OPA1: variants seen among roughly 807,000 people sequenced by gnomAD.
OPA1 encodes dynamin-like GTPase OPA1, mitochondrial.
A neutral mutation model predicts 152.9 loss-of-function variants in OPA1; 59 were observed. The ratio of observed to expected loss-of-function variants is 0.39; its 90% confidence interval spans 0.31 to 0.48. OPA1 has a LOEUF of 0.48. OPA1 is among the 20% of genes least tolerant of loss of function. OPA1 has a pLI of 0.96. For synonymous variants in OPA1, 400 were observed against 389.9 expected (o/e 1.03, Z -0.31); for missense variants, 1,008 against 1,216.8 (o/e 0.83, Z 2.55).
intron 11 of OPA1, among the ~76,000 whole-genome samples, chr3:193,640,083 T>C (rs912099042): frequency 6.6e-6 from 1 of 152,114 alleles, no homozygotes; most frequent in Non-Finnish European, 1.5e-5. Context: ...TGAGTGGTGA[T>C]AACAAGCAGT....
chr3:193,636,931 A>G (rs1733040569), intron 9 of OPA1, among the ~76,000 whole-genome samples: 1 of 152,130 alleles, frequency 6.6e-6, no homozygotes, highest in Non-Finnish European at 1.5e-5. Context: ...AATAATTTCC[A>G]TCTTATTTAA....
At chr3:193,657,377 TCTGCCCTTTAATATTTCCCTGCCCTTCTA>T in intron 23 of OPA1, 145 bp downstream of exon 23, 7 of 783,548 alleles carry the variant, frequency 8.9e-6, no homozygotes, top group Middle Eastern at 3.5e-4. Flanking sequence ...TGATCTGTAA[TCTGCCCTTTAATATTTCCCTGCCCTTCTA>T]AAATCACCTG....
chr3:193,693,438 G>A (rs1721942065), intron 30 of OPA1, among the ~76,000 whole-genome samples: 1 of 152,126 alleles, frequency 6.6e-6, no homozygotes, highest in African/African-American at 2.4e-5. Context: ...TCAGGAGTTG[G>A]AGACCAGCCT....
intron 1 of OPA1, among the ~76,000 whole-genome samples, chr3:193,608,954 G>A (rs1172792568): frequency 6.6e-6 from 1 of 152,134 alleles, no homozygotes; most frequent in Non-Finnish European, 1.5e-5. Context: ...TTACCATTAT[G>A]TAATGGCCTT....
At chr3:193,691,802 C>T in intron 29 of OPA1, 1 of 350,580 alleles carries the variant, frequency 2.9e-6, no homozygotes, top group African/African-American at 2.1e-5. Flanking sequence ...TTAATACATG[C>T]TTTTTTCCAT....
At chr3:193,627,315 C>T (rs537106839) in intron 7 of OPA1, 5 of 152,148 alleles carry the variant, frequency 3.3e-5, no homozygotes, top group South Asian at 2.1e-4. Flanking sequence ...TATTTAGCTT[C>T]GGTGAGCAAA....
Position 193,614,773 on chromosome 3 carries a change from T to G in OPA1, c.83T>G (p.Leu28Ter), listed in dbSNP as rs867942002. Residue 28 changes from leucine to a stop codon, truncating the protein, a stop_gained, in exon 2 of 31, where the codon TTA (leucine) becomes TGA (stop). Coordinates refer to ENST00000361510, the MANE Select transcript of OPA1 (RefSeq NM_130837.3). LOFTEE classifies it high-confidence loss of function. ...VKHSSGIKGS[L>*]PLQKLHLVSR... ...CACAGCTCTGGAATAAAAGGAAGTT[T>G]ACCACTACAAAAACTACATCTGGTT... 1 of 1,614,172 alleles carries G rather than the reference T, an allele frequency of 6.2e-7. No individual in the cohort carries two copies. The highest frequency in any genetic ancestry group is 8.5e-7 in the Non-Finnish European group (1 of 1,180,000).
At chr3:193,615,411 C>T (rs1309111070) in intron 2 of OPA1, among the ~76,000 whole-genome samples, 1 of 152,162 alleles carries the variant, frequency 6.6e-6, no homozygotes, top group Non-Finnish European at 1.5e-5. Context: ...CTTCCTTCTA[C>T]CCCACAGTAA....
At chr3:193,644,945 CAT>C (rs1403093611) in intron 16 of OPA1, among the ~76,000 whole-genome samples, 3 of 151,610 alleles carry the variant, frequency 2.0e-5, no homozygotes, top group Non-Finnish European at 4.4e-5. Context: ...GAAACTCTAA[CAT>C]ATGTGAAAGG....
At chr3:193,688,347 G>C (rs745597841) in intron 29 of OPA1, among the ~76,000 whole-genome samples, 1 of 148,782 alleles carries the variant, frequency 6.7e-6, no homozygotes, top group Non-Finnish European at 1.5e-5. Context: ...ATTTTCATCA[G>C]AATATGATAG....
At chr3:193,688,243 A>C (rs890772390) in intron 29 of OPA1, among the ~76,000 whole-genome samples, 2 of 151,372 alleles carry the variant, frequency 1.3e-5, no homozygotes, top group African/African-American at 4.9e-5. Flanking sequence ...GACACTGAAG[A>C]CTCTGAGCAT....
In OPA1 at chr3:193,635,581, T is replaced by C. The variant is rs1048677986; in HGVS notation, c.948+59T>C. ...TTTACCGCTTAACGTTGTGTGTTCATCAGTACCAGTTTCTAAGGAGCTGTA... is the reference window on the plus strand; with the variant it reads ...TTTACCGCTTAACGTTGTGTGTTCACCAGTACCAGTTTCTAAGGAGCTGTA... On this transcript the variant is annotated intron_variant, in intron 9 of 30. Coordinates refer to ENST00000361510, the MANE Select transcript of OPA1 (RefSeq NM_130837.3). The C allele has an allele frequency of 5.3e-5, 50 of 949,582 alleles. No homozygotes were observed. In the Admixed American group the frequency reaches 8.5e-4, roughly 16 times the overall value. The allele number at this position is 949,582 out of a possible 1,614,324, so 58.8% of individuals were successfully genotyped here.
intron 1 of OPA1, among the ~76,000 whole-genome samples, chr3:193,595,727 C>CA (rs1312072804): frequency 1.3e-5 from 2 of 152,168 alleles, no homozygotes; most frequent in African/African-American, 4.8e-5. Flanking sequence ...TTGGCACACT[C>CA]AGTGGGCCTT....
chr3:193,645,710 AC>A lies in OPA1; in HGVS notation c.1682-16del, dbSNP rs754964242. 8.7e-5 allele frequency: 141 copies of A among 1,612,420 alleles called. No individual in the cohort carries two copies. The African/African-American group carries it at 1.6e-3, about 18-fold the overall frequency. On this transcript the variant is annotated splice_polypyrimidine_tract_variant and intron_variant, in intron 17 of 30. Coordinates refer to ENST00000361510, the MANE Select transcript of OPA1 (RefSeq NM_130837.3). ...GAGTAATTTTCTTGATGAAAATTTG[AC>A]CATCATTCTTCCCCAGGGAACAGCT...
chr3:193,684,932 GA>G lies in OPA1; in HGVS notation c.2984-7129del, dbSNP rs1720729582. ...GCCTTAAAATATGTAGAAAGTATTT[GA>G]AGCGGTTTTAATTGTACTAGCCAAA... On this transcript the variant is annotated intron_variant, in intron 29 of 30. Transcript: ENST00000361510. Among the ~76,000 whole-genome samples the G allele has an allele frequency of 2.0e-5, 3 of 152,132 alleles. No homozygotes were observed. The South Asian group carries it at 6.2e-4, about 31-fold the overall frequency.
intron 22 of OPA1, among the ~76,000 whole-genome samples, chr3:193,656,647 A>G (rs1431448078): frequency 6.6e-6 from 1 of 152,220 alleles, no homozygotes; most frequent in African/African-American, 2.4e-5. Flanking sequence ...GTTGAAATAA[A>G]TAAATGAACT....
At chr3:193,690,742 CAAATATT>C (rs1196843844) in intron 29 of OPA1, among the ~76,000 whole-genome samples, 1 of 152,050 alleles carries the variant, frequency 6.6e-6, no homozygotes, top group Non-Finnish European at 1.5e-5. Flanking sequence ...ATATAAATGT[CAAATATT>C]AAATGCATCT....
intron 15 of OPA1, 88 bp downstream of exon 15, chr3:193,643,715 A>G: frequency 1.7e-6 from 2 of 1,184,760 alleles, no homozygotes; most frequent in Non-Finnish European, 2.5e-6. Flanking sequence ...TGTTATGTAA[A>G]CATACAAGAT....
At position 193,695,818 on chromosome 3, in the gene OPA1, G is replaced by A. The variant is rs1188836651; in HGVS notation, c.*1218G>A. On this transcript the variant is annotated 3_prime_UTR_variant, in exon 31 of 31. Transcript: ENST00000361510. ...TTCTTGGAGTTGCTTTTTGGTAACA[G>A]CCCCATTGCTACTCCCCATTTTATT... The A allele has an allele frequency of 6.6e-6, 1 of 152,124 alleles. No homozygotes were observed. Among genetic ancestry groups the A allele is most frequent in the Non-Finnish European group, 1.5e-5 (1 of 68,022 alleles). The allele number at this position is 152,124 out of a possible 1,614,324, so 9.4% of individuals were successfully genotyped here.
Sources: gnomAD v4.1 joint callset for allele counts (sites outside exome capture counted in the v4.1 genomes callset) on GRCh38, gnomAD v4.1.1 for gene constraint, MANE v1.5 for transcripts, NCBI Gene and HGNC (gene_info 2026-07-23, HGNC 2026-07-21) for gene names.